Variants in ZNF804A observed in about 807,000 individuals in gnomAD.
ZNF804A encodes the protein zinc finger protein 804A.
Under a neutral mutation model 16.5 loss-of-function variants are expected in ZNF804A, and 2 were observed. That is an observed-to-expected ratio of 0.12 (90% CI 0.05 to 0.38). ZNF804A has a LOEUF of 0.38. Among genes scored for constraint, ZNF804A ranks in the 10% least tolerant of loss-of-function variants. The probability of loss-of-function intolerance (pLI) is 0.99; values close to 1 mark genes in which losing one functional copy is unlikely to be tolerated. For synonymous variants in ZNF804A, 534 were observed against 489.6 expected (o/e 1.09, Z -1.20); for missense variants, 1,473 against 1,390.7 (o/e 1.06, Z -0.94).
intron 1 of ZNF804A, among the ~76,000 whole-genome samples, chr2:184,772,699 G>T (rs1574205280): frequency 6.6e-6 from 1 of 151,564 alleles, no homozygotes; most frequent in Non-Finnish European, 1.5e-5. Flanking sequence ...TTCTCAGACT[G>T]CTTTCAAAGC....
At chr2:184,785,874 T>C (rs1694440367) in intron 1 of ZNF804A, among the ~76,000 whole-genome samples, 1 of 152,162 alleles carries the variant, frequency 6.6e-6, no homozygotes, top group African/African-American at 2.4e-5. Context: ...GCAATTCAAC[T>C]TTTCTTAAGA....
chr2:184,779,973 T>A (rs779542532), intron 1 of ZNF804A, among the ~76,000 whole-genome samples: 3 of 151,868 alleles, frequency 2.0e-5, no homozygotes, highest in Non-Finnish European at 4.4e-5. Context: ...TATAAAAAAA[T>A]TTCGCAATAA....
chr2:184,834,586 G>C (rs985390924), intron 1 of ZNF804A, among the ~76,000 whole-genome samples: 2 of 152,074 alleles, frequency 1.3e-5, no homozygotes, highest in African/African-American at 2.4e-5. Flanking sequence ...CTCTCAGAAA[G>C]AGTTCATACA....
In ZNF804A at chr2:184,910,586, C is replaced by T. The variant is rs533251807; in HGVS notation, c.256-23017C>T. 3.3e-5 allele frequency among the ~76,000 whole-genome samples: 5 copies of T among 152,168 alleles called. No individual in the cohort carries two copies. In the South Asian group the frequency reaches 1.0e-3, roughly 32 times the overall value. ...ACAGTAGCTGAGCTAATTTACATTT[C>T]CACCAACAGTGTAGAAGCATTCTCT... is the stretch of plus-strand genomic sequence containing the variant. On this transcript the variant is annotated intron_variant, in intron 2 of 3. Coordinates refer to ENST00000302277, the MANE Select transcript of ZNF804A (RefSeq NM_194250.2).
chr2:184,621,328 A>G (rs1005879019), intron 1 of ZNF804A, among the ~76,000 whole-genome samples: 2 of 151,716 alleles, frequency 1.3e-5, no homozygotes, highest in Admixed American at 6.6e-5. Flanking sequence ...CCAGCAACAA[A>G]TTATTTCCCA....
chr2:184,758,871 C>G (rs1693999014), intron 1 of ZNF804A, among the ~76,000 whole-genome samples: 1 of 151,826 alleles, frequency 6.6e-6, no homozygotes, highest in Non-Finnish European at 1.5e-5. Context: ...AAAATACTAA[C>G]TGTTCCACTT....
intron 1 of ZNF804A, among the ~76,000 whole-genome samples, chr2:184,687,621 G>A (rs971087947): frequency 2.6e-5 from 4 of 152,286 alleles, no homozygotes; most frequent in East Asian, 1.9e-4. Flanking sequence ...AGAGAAGGGA[G>A]GAAAGGCATG....
At chr2:184,762,673 ACTATTTAT>A (rs1405931745) in intron 1 of ZNF804A, among the ~76,000 whole-genome samples, 1 of 151,918 alleles carries the variant, frequency 6.6e-6, no homozygotes, top group Non-Finnish European at 1.5e-5. Context: ...AAATTTGGGG[ACTATTTAT>A]CTGAGTTTTT....
At chr2:184,823,552 A>G (rs187701719) in intron 1 of ZNF804A, among the ~76,000 whole-genome samples, 5 of 152,248 alleles carry the variant, frequency 3.3e-5, no homozygotes, top group Admixed American at 2.6e-4. Flanking sequence ...CACATGATTT[A>G]TTACTAATGC....
At chr2:184,722,837 C>T (rs563562367) in intron 1 of ZNF804A, among the ~76,000 whole-genome samples, 1 of 152,074 alleles carries the variant, frequency 6.6e-6, no homozygotes, top group African/African-American at 2.4e-5. Context: ...ATGTGAAACT[C>T]TGACATTGAT....
At chr2:184,649,203 G>A (rs185171128) in intron 1 of ZNF804A, among the ~76,000 whole-genome samples, 9 of 152,090 alleles carry the variant, frequency 5.9e-5, no homozygotes, top group African/African-American at 1.9e-4. Flanking sequence ...ATAAATTAAG[G>A]CAGAATTTTT....
intron 2 of ZNF804A, among the ~76,000 whole-genome samples, chr2:184,887,614 C>T (rs1383476424): frequency 1.3e-5 from 2 of 152,168 alleles, no homozygotes; most frequent in Non-Finnish European, 1.5e-5. Flanking sequence ...GTGAAATGCA[C>T]TTCTTACATG....
At chr2:184,888,642 G>A (rs1684934172) in intron 2 of ZNF804A, among the ~76,000 whole-genome samples, 1 of 152,112 alleles carries the variant, frequency 6.6e-6, no homozygotes, top group Non-Finnish European at 1.5e-5. Flanking sequence ...ATGGAGTCCA[G>A]AACTACTCCT....
At chr2:184,839,779 GA>G (rs1695407215) in intron 1 of ZNF804A, among the ~76,000 whole-genome samples, 1 of 152,040 alleles carries the variant, frequency 6.6e-6, no homozygotes, top group African/African-American at 2.4e-5. Flanking sequence ...ATAATGAAAT[GA>G]AAACTTTGTT....
intron 1 of ZNF804A, among the ~76,000 whole-genome samples, chr2:184,768,014 G>A (rs551680933): frequency 6.6e-6 from 1 of 151,994 alleles, no homozygotes; most frequent in South Asian, 2.1e-4. Flanking sequence ...TATATAACTA[G>A]GACAAAGTAA....
At chr2:184,791,322 A>G (rs1018471107) in intron 1 of ZNF804A, among the ~76,000 whole-genome samples, 3 of 152,040 alleles carry the variant, frequency 2.0e-5, no homozygotes, top group Non-Finnish European at 4.4e-5. Flanking sequence ...TCATTTCCGT[A>G]TTTGAAAATC....
rs77487903 is a variant in ZNF804A, at chr2:184,917,310, G to C, written c.256-16293G>C. 4.1e-3 allele frequency among the ~76,000 whole-genome samples: 619 copies of C among 152,174 alleles called. 2 individuals carry two copies. The highest frequency in any genetic ancestry group is 7.2e-3 in the Non-Finnish European group (492 of 68,004). ...CCAAAAGATACCAATCCCTTCCCCA[G>C]AAGATAATTTAAAGTCATTGGGTAA... is the stretch of plus-strand genomic sequence containing the variant. On this transcript the variant is annotated intron_variant, in intron 2 of 3. Transcript: ENST00000302277.
At chr2:184,646,723 T>C (rs1466679384) in intron 1 of ZNF804A, among the ~76,000 whole-genome samples, 2 of 152,238 alleles carry the variant, frequency 1.3e-5, no homozygotes, top group Non-Finnish European at 2.9e-5. Context: ...GAATTTAGAC[T>C]ACCCCCCATC....
At chr2:184,609,069 T>C (rs540432368) in intron 1 of ZNF804A, among the ~76,000 whole-genome samples, 4 of 152,314 alleles carry the variant, frequency 2.6e-5, no homozygotes, top group African/African-American at 9.6e-5. Flanking sequence ...TGTAGAAATA[T>C]AGAGATTTGT....
Sources: allele counts gnomAD v4.1 joint callset (sites outside exome capture counted in the v4.1 genomes callset), GRCh38; gene constraint gnomAD v4.1.1; transcripts MANE v1.5; gene names NCBI Gene and HGNC (gene_info 2026-07-23, HGNC 2026-07-21).